The following FLI1 variants were observed in gnomAD, a reference collection of about 807,000 sequenced individuals.
FLI1 encodes the protein Fli-1 proto-oncogene, ETS transcription factor.
FLI1 carries 13 observed loss-of-function variants against 53.1 expected under a neutral mutation model. That is an observed-to-expected ratio of 0.24 (90% CI 0.16 to 0.39). The LOEUF (loss-of-function observed/expected upper bound fraction) is 0.39, where lower values mean the gene tolerates loss of function less well. Ranked by LOEUF, FLI1 falls within the 10% of genes least tolerant of loss-of-function variation. The probability of loss-of-function intolerance (pLI) is 1.00; values close to 1 mark genes in which losing one functional copy is unlikely to be tolerated. For synonymous variants in FLI1, 244 were observed against 236.7 expected (o/e 1.03, Z -0.28); for missense variants, 424 against 600.5 (o/e 0.71, Z 3.07).
intron 1 of FLI1, among the ~76,000 whole-genome samples, chr11:128,694,669 A>C (rs1442870561): frequency 6.6e-6 from 1 of 151,982 alleles, no homozygotes; most frequent in African/African-American, 2.4e-5. Flanking sequence ...AGCGCTAGGC[A>C]CTGGGCTTCC....
At chr11:128,765,514 T>C (rs1941302880) in intron 2 of FLI1, among the ~76,000 whole-genome samples, 1 of 152,226 alleles carries the variant, frequency 6.6e-6, no homozygotes, top group Non-Finnish European at 1.5e-5. Context: ...TGTGCCCTCC[T>C]GTCCCACCAT....
chr11:128,739,134 G>A (rs1940025058), intron 1 of FLI1, among the ~76,000 whole-genome samples: 1 of 152,086 alleles, frequency 6.6e-6, no homozygotes, highest in Non-Finnish European at 1.5e-5. Flanking sequence ...AAGGCTGAGG[G>A]AGATCTCTTA....
rs574364533 is a variant in FLI1, at chr11:128,776,884, T to TCACTCCCGGCCTTCCACGTGGGCAGCCC, written c.589+3900_589+3927dup. ...CCTGCGCCACACAGGCAAGGCAGCCTCACTCCCGGCCTTCCACGTGGGCAG... is the reference window on the plus strand; with the variant it reads ...CCTGCGCCACACAGGCAAGGCAGCCTCACTCCCGGCCTTCCACGTGGGCAGCCCCACTCCCGGCCTTCCACGTGGGCAG... On this transcript the variant is annotated intron_variant, in intron 4 of 8. Coordinates refer to ENST00000527786, the MANE Select transcript of FLI1 (RefSeq NM_002017.5). Among the ~76,000 whole-genome samples the TCACTCCCGGCCTTCCACGTGGGCAGCCC allele has an allele frequency of 4.8e-3, 736 of 152,334 alleles. 3 individuals are homozygous for TCACTCCCGGCCTTCCACGTGGGCAGCCC. Among genetic ancestry groups the TCACTCCCGGCCTTCCACGTGGGCAGCCC allele is most frequent in the Non-Finnish European group, 8.2e-3 (556 of 68,016 alleles).
At position 128,745,255 on chromosome 11, in the gene FLI1, G is replaced by A. The variant is rs560111759; in HGVS notation, c.19-12860G>A. Among the ~76,000 whole-genome samples the A allele has an allele frequency of 8.5e-5, 10 of 117,578 alleles. No homozygotes were observed. The East Asian group carries it at 2.2e-3, about 26-fold the overall frequency. 77.1% of individuals were successfully genotyped at this position (117,578 alleles called of 152,430 possible). Reference sequence around the variant, plus strand: ...CAGGGCAGAACAATTGAAGGTGACAGAGGGAAAATGAACAGAGAACACAAA... The same window carrying A: ...CAGGGCAGAACAATTGAAGGTGACAAAGGGAAAATGAACAGAGAACACAAA... On this transcript the variant is annotated intron_variant, in intron 1 of 8. Transcript: ENST00000527786.
rs552447206 is a variant in FLI1 at position 128,779,511 on chromosome 11, T to A, written c.590-2447T>A. Reference sequence around the variant, plus strand: ...CGCATGTATAAAGAGAACTATTGTATGTAATTGTGACATCTGTGGGAGAAA... The same window carrying A: ...CGCATGTATAAAGAGAACTATTGTAAGTAATTGTGACATCTGTGGGAGAAA... On this transcript the variant is annotated intron_variant, in intron 4 of 8. Transcript: ENST00000527786. Among the ~76,000 whole-genome samples the A allele has an allele frequency of 5.9e-5, 9 of 152,374 alleles. No individual in the cohort carries two copies. The South Asian group carries it at 1.9e-3, about 32-fold the overall frequency.
intron 6 of FLI1, chr11:128,806,461 C>G (rs1942786763): frequency 6.6e-6 from 1 of 152,172 alleles, no homozygotes; most frequent in African/African-American, 2.4e-5. Context: ...GTTCCTGGAG[C>G]TTAGGATGTG....
Position 128,788,401 on chromosome 11 carries a change from G to A in FLI1, c.655+6378G>A, listed in dbSNP as rs189197408. On this transcript the variant is annotated intron_variant, in intron 5 of 8. Transcript: ENST00000527786. ...GGAGAATTGCTTGAACCCGGGAGGC[G>A]GAGGTTGCAGTGAGCGAAGATCACA... is the stretch of plus-strand genomic sequence containing the variant. 3.3e-3 allele frequency among the ~76,000 whole-genome samples: 508 copies of A among 152,114 alleles called. 1 individual carries two copies. The highest frequency in any genetic ancestry group is 4.8e-3 in the Non-Finnish European group (326 of 67,996).
At chr11:128,798,123 GT>G (rs1565506018) in intron 5 of FLI1, among the ~76,000 whole-genome samples, 1 of 152,186 alleles carries the variant, frequency 6.6e-6, no homozygotes, top group Non-Finnish European at 1.5e-5. Flanking sequence ...GAACTGTTAT[GT>G]TTTCTTCTTT....
intron 1 of FLI1, among the ~76,000 whole-genome samples, chr11:128,721,299 T>G (rs1261453660): frequency 1.3e-5 from 2 of 151,986 alleles, no homozygotes; most frequent in Non-Finnish European, 2.9e-5. Context: ...CCTCCTATTC[T>G]CAGCACGGTG....
intron 1 of FLI1, among the ~76,000 whole-genome samples, chr11:128,705,631 C>T (rs1261360894): frequency 2.0e-5 from 3 of 152,184 alleles, no homozygotes; most frequent in African/African-American, 7.2e-5. Flanking sequence ...TGACTTCAGG[C>T]TCCAGTTTCT....
chr11:128,686,579 C>G (rs1210852522), exon 1 of FLI1: 1 of 417,042 alleles, frequency 2.4e-6, no homozygotes, highest in East Asian at 7.2e-5. Context: ...ATCCCACCGT[C>G]TCTCCCTCGC....
chr11:128,731,586 G>C (rs1939702784), intron 1 of FLI1, among the ~76,000 whole-genome samples: 1 of 151,916 alleles, frequency 6.6e-6, no homozygotes, highest in Non-Finnish European at 1.5e-5. Flanking sequence ...CCCTTCCTGA[G>C]TGAACTTGCA....
chr11:128,805,534 C>T (rs758853674), intron 6 of FLI1, 103 bp downstream of exon 6: 14 of 712,804 alleles, frequency 2.0e-5, no homozygotes, highest in Non-Finnish European at 3.2e-5. Flanking sequence ...ATTTGTTTCC[C>T]TGCTTTTTGA....
chr11:128,769,234 A>G lies in FLI1; in HGVS notation c.385+962A>G, dbSNP rs142316374. On this transcript the variant is annotated intron_variant, in intron 3 of 8. Coordinates refer to ENST00000527786, the MANE Select transcript of FLI1 (RefSeq NM_002017.5). ...CAGCAAGCTCAGCTGCCTGCACAAG[A>G]AGGGTGTTTACAAACTGCCACGTGT... is the stretch of plus-strand genomic sequence containing the variant. Among the ~76,000 whole-genome samples the G allele has an allele frequency of 8.4e-3, 1,285 of 152,168 alleles. 10 individuals are homozygous for G. The highest frequency in any genetic ancestry group is 0.03 in the South Asian group (146 of 4,822).
chr11:128,689,712 G>A (rs554795652), upstream of FLI1, among the ~76,000 whole-genome samples: 8 of 152,304 alleles, frequency 5.3e-5, no homozygotes, highest in South Asian at 1.7e-3. Flanking sequence ...TCTTGGATCC[G>A]CCACTGGGCG....
intron 2 of FLI1, among the ~76,000 whole-genome samples, chr11:128,762,651 T>G (rs1351831445): frequency 6.6e-6 from 1 of 152,240 alleles, no homozygotes; most frequent in Non-Finnish European, 1.5e-5. Flanking sequence ...ATCTGGCTAC[T>G]AGTAAATTTA....
chr11:128,694,357 G>A, intron 1 of FLI1, 81 bp downstream of exon 1: 2 of 1,118,198 alleles, frequency 1.8e-6, no homozygotes, highest in African/African-American at 3.2e-5. Flanking sequence ...CGGGGCCCGC[G>A]TCCCGGAAGA....
At chr11:128,709,849 G>A (rs1938713671) in intron 1 of FLI1, among the ~76,000 whole-genome samples, 1 of 152,156 alleles carries the variant, frequency 6.6e-6, no homozygotes, top group South Asian at 2.1e-4. Context: ...GCTAGAAGTA[G>A]GTTAATTCAG....
At chr11:128,795,805 C>T (rs1942423851) in intron 5 of FLI1, among the ~76,000 whole-genome samples, 1 of 152,216 alleles carries the variant, frequency 6.6e-6, no homozygotes, top group Admixed American at 6.5e-5. Flanking sequence ...CTGCCTCTGC[C>T]TCCCAAAGTG....
Sources: allele counts gnomAD v4.1 joint callset (sites outside exome capture counted in the v4.1 genomes callset), GRCh38; gene constraint gnomAD v4.1.1; transcripts MANE v1.5; gene names NCBI Gene and HGNC (gene_info 2026-07-23, HGNC 2026-07-21).